CLYBL: variants seen among roughly 807,000 people sequenced by gnomAD.
The protein encoded by CLYBL is citramalyl-CoA lyase.
A neutral mutation model predicts 38.9 loss-of-function variants in CLYBL; 31 were observed. The observed-to-expected ratio is 0.80, with a 90% confidence interval of 0.60 to 1.08. CLYBL has a LOEUF of 1.08. Ranked by LOEUF, CLYBL falls within the 50% of genes least tolerant of loss-of-function variation. The pLI is 0.00. For synonymous variants in CLYBL, 171 were observed against 158.6 expected (o/e 1.08, Z -0.59); for missense variants, 434 against 411.6 (o/e 1.05, Z -0.47).
chr13:99,680,158 G>A (rs962629273), intron 1 of CLYBL, among the ~76,000 whole-genome samples: 4 of 152,144 alleles, frequency 2.6e-5, no homozygotes, highest in Admixed American at 6.5e-5. Context: ...GCCTATGACA[G>A]CAAATGAAAA....
intron 1 of CLYBL, among the ~76,000 whole-genome samples, chr13:99,709,139 C>T (rs1271276536): frequency 6.6e-6 from 1 of 151,800 alleles, no homozygotes; most frequent in Non-Finnish European, 1.5e-5. Context: ...GGCACTAATC[C>T]AATATGATTG....
chr13:99,827,271 A>C (rs542093160), intron 2 of CLYBL, among the ~76,000 whole-genome samples: 1 of 151,968 alleles, frequency 6.6e-6, no homozygotes, highest in Non-Finnish European at 1.5e-5. Flanking sequence ...TCCCCTCTCT[A>C]ATTCCCAGAG....
intron 1 of CLYBL, among the ~76,000 whole-genome samples, chr13:99,656,408 C>T (rs2047331427): frequency 6.6e-6 from 1 of 152,140 alleles, no homozygotes; most frequent in African/African-American, 2.4e-5. Context: ...TGTCATCCCG[C>T]CATTTGTCCC....
At chr13:99,827,103 C>G (rs753885799) in intron 2 of CLYBL, among the ~76,000 whole-genome samples, 2 of 152,194 alleles carry the variant, frequency 1.3e-5, no homozygotes, top group Non-Finnish European at 2.9e-5. Flanking sequence ...GAATCACAAA[C>G]ATTACAAGGC....
At chr13:99,810,139 G>A (rs1435372779) in intron 2 of CLYBL, among the ~76,000 whole-genome samples, 1 of 152,210 alleles carries the variant, frequency 6.6e-6, no homozygotes, top group Non-Finnish European at 1.5e-5. Flanking sequence ...ACCACTTTGT[G>A]GCAACACAAG....
At chr13:99,773,197 A>C (rs528604036) in intron 2 of CLYBL, among the ~76,000 whole-genome samples, 187 bp downstream of exon 2, 11 of 152,356 alleles carry the variant, frequency 7.2e-5, no homozygotes, top group African/African-American at 2.6e-4. Flanking sequence ...GAAAGGAAGA[A>C]TCCCACCAAA....
At chr13:99,829,409 C>T (rs2050761176) in intron 2 of CLYBL, among the ~76,000 whole-genome samples, 1 of 152,190 alleles carries the variant, frequency 6.6e-6, no homozygotes, top group South Asian at 2.1e-4. Context: ...CCATCTGGGG[C>T]TTTTTTCTCA....
chr13:99,886,924 G>C (rs969082676), intron 7 of CLYBL, among the ~76,000 whole-genome samples: 8 of 152,152 alleles, frequency 5.3e-5, no homozygotes, highest in Non-Finnish European at 1.0e-4. Flanking sequence ...CCAGGGCCTG[G>C]CACAAGGGAG....
downstream of CLYBL, chr13:99,893,471 A>C (rs1283070676): frequency 2.0e-5 from 3 of 152,370 alleles, no homozygotes; most frequent in African/African-American, 7.2e-5. Flanking sequence ...TGCCCCTGCC[A>C]TACGCACCCG....
At chr13:99,621,492 A>C (rs2046796334) in intron 1 of CLYBL, among the ~76,000 whole-genome samples, 1 of 152,208 alleles carries the variant, frequency 6.6e-6, no homozygotes, top group Non-Finnish European at 1.5e-5. Context: ...ATCGAGATGC[A>C]GAACTCCCAG....
intron 1 of CLYBL, among the ~76,000 whole-genome samples, chr13:99,689,637 G>A (rs9585186): frequency 6.6e-6 from 1 of 152,160 alleles, no homozygotes; most frequent in African/African-American, 2.4e-5. Context: ...TTGCAAGTAA[G>A]ACTTAGGACT....
chr13:99,711,229 G>C (rs538052114), intron 1 of CLYBL, among the ~76,000 whole-genome samples: 8 of 151,898 alleles, frequency 5.3e-5, no homozygotes, highest in Admixed American at 2.0e-4. Context: ...CCATAAACTG[G>C]GTGTCTTATA....
chr13:99,812,003 C>T (rs1052479341), intron 2 of CLYBL, among the ~76,000 whole-genome samples: 1 of 152,146 alleles, frequency 6.6e-6, no homozygotes, highest in Non-Finnish European at 1.5e-5. Context: ...ATCCACTATT[C>T]CAAAATCCAA....
intron 1 of CLYBL, among the ~76,000 whole-genome samples, chr13:99,725,687 T>C (rs577890874): frequency 1.2e-4 from 19 of 152,336 alleles, no homozygotes; most frequent in African/African-American, 4.6e-4. Context: ...ATGTACGTAA[T>C]GTTTATTTAT....
intron 1 of CLYBL, among the ~76,000 whole-genome samples, chr13:99,747,943 A>G (rs1474090133): frequency 1.3e-5 from 2 of 152,132 alleles, no homozygotes; most frequent in Non-Finnish European, 2.9e-5. Flanking sequence ...ATTGTGGTAA[A>G]ATATACATAA....
chr13:99,816,601 C>G (rs1438345033), intron 2 of CLYBL, among the ~76,000 whole-genome samples: 2 of 152,156 alleles, frequency 1.3e-5, no homozygotes, highest in Admixed American at 6.5e-5. Flanking sequence ...GAGATGGAGC[C>G]CACATGAACT....
intron 2 of CLYBL, among the ~76,000 whole-genome samples, chr13:99,785,244 T>C (rs749250318): frequency 2.3e-5 from 3 of 131,100 alleles, no homozygotes; most frequent in Non-Finnish European, 3.2e-5. Context: ...GGTCTTGCTA[T>C]GTCACCCAGG....
intron 2 of CLYBL, among the ~76,000 whole-genome samples, chr13:99,811,681 A>T (rs1011483230): frequency 1.3e-5 from 2 of 151,884 alleles, no homozygotes; most frequent in African/African-American, 4.8e-5. Context: ...TCCCCACACG[A>T]CCTCCAGCTG....
chr13:99,705,926 T>G (rs1380015034), intron 1 of CLYBL, among the ~76,000 whole-genome samples: 1 of 152,092 alleles, frequency 6.6e-6, no homozygotes, highest in South Asian at 2.1e-4. Context: ...CCCCAATTTT[T>G]TTTTTTGTTT....
Sources: gnomAD v4.1 joint callset for allele counts (sites outside exome capture counted in the v4.1 genomes callset) on GRCh38, gnomAD v4.1.1 for gene constraint, MANE v1.5 for transcripts, NCBI Gene and HGNC (gene_info 2026-07-23, HGNC 2026-07-21) for gene names.